Variants in LYPD6B observed in about 807,000 individuals in gnomAD.
The protein encoded by LYPD6B is ly6/PLAUR domain-containing protein 6B.
A neutral mutation model predicts 22.8 loss-of-function variants in LYPD6B; 17 were observed. That is an observed-to-expected ratio of 0.75 (90% CI 0.51 to 1.12). LYPD6B has a LOEUF of 1.12. LYPD6B is among the 50% of genes most tolerant of loss of function. LYPD6B has a pLI of 0.00. For synonymous variants in LYPD6B, 106 were observed against 91.6 expected (o/e 1.16, Z -0.90); for missense variants, 221 against 258.3 (o/e 0.86, Z 0.99).
intron 2 of LYPD6B, among the ~76,000 whole-genome samples, chr2:149,150,586 A>AT (rs5835278): frequency 0.65 from 98,616 of 151,700 alleles, 32,207 homozygotes; most frequent in South Asian, 0.76. Flanking sequence ...TTTATTTGTA[A>AT]TTTTTTCCCC....
chr2:149,051,172 A>T (rs552308211), intron 1 of LYPD6B, among the ~76,000 whole-genome samples: 138 of 150,916 alleles, frequency 9.1e-4, no homozygotes, highest in Admixed American at 1.9e-3. Context: ...TATTATTATT[A>T]TTATTTTTTT....
intron 1 of LYPD6B, among the ~76,000 whole-genome samples, chr2:149,049,692 T>C (rs1279461262): frequency 1.3e-5 from 2 of 152,172 alleles, no homozygotes; most frequent in Non-Finnish European, 2.9e-5. Flanking sequence ...TATGGCTTGT[T>C]TGGGGACACA....
chr2:149,066,219 C>T lies in LYPD6B; in HGVS notation c.-67+27418C>T, dbSNP rs573470414. 2.0e-5 allele frequency among the ~76,000 whole-genome samples: 3 copies of T among 151,682 alleles called. No homozygotes were observed. In the East Asian group the frequency reaches 5.8e-4, roughly 29 times the overall value. Reference sequence around the variant, plus strand: ...TACTTTAAGTTTTAGGGTACATGTGCACAACGTACAGGTTTGTTACATATG... The same window carrying T: ...TACTTTAAGTTTTAGGGTACATGTGTACAACGTACAGGTTTGTTACATATG... On this transcript the variant is annotated intron_variant, in intron 1 of 6. Coordinates refer to ENST00000409642, the MANE Select transcript of LYPD6B (RefSeq NM_177964.5).
chr2:149,051,406 C>T (rs1683553747), intron 1 of LYPD6B, among the ~76,000 whole-genome samples: 1 of 151,962 alleles, frequency 6.6e-6, no homozygotes, highest in Non-Finnish European at 1.5e-5. Flanking sequence ...ACCTCATGAT[C>T]CACCCGCCTC....
At chr2:149,041,576 A>G (rs912118472) in intron 1 of LYPD6B, among the ~76,000 whole-genome samples, 3 of 152,200 alleles carry the variant, frequency 2.0e-5, no homozygotes, top group East Asian at 3.9e-4. Flanking sequence ...ACACAATCAG[A>G]ATTCTGTTAG....
At chr2:149,100,150 A>G (rs1210375411) in intron 1 of LYPD6B, among the ~76,000 whole-genome samples, 1 of 152,012 alleles carries the variant, frequency 6.6e-6, no homozygotes, top group Non-Finnish European at 1.5e-5. Flanking sequence ...GATGGTCTAA[A>G]CTGGGTCATC....
At chr2:149,174,792 G>T (rs1691140642) in intron 3 of LYPD6B, among the ~76,000 whole-genome samples, 1 of 151,752 alleles carries the variant, frequency 6.6e-6, no homozygotes, top group Admixed American at 6.6e-5. Context: ...AGAGGTTGGG[G>T]GGGTGGGAGG....
intron 3 of LYPD6B, among the ~76,000 whole-genome samples, chr2:149,170,856 C>G (rs1690768105): frequency 6.6e-6 from 1 of 152,164 alleles, no homozygotes; most frequent in Non-Finnish European, 1.5e-5. Flanking sequence ...TCTTCAGGCA[C>G]TTGAAATACA....
chr2:149,199,618 C>T (rs754071479), intron 3 of LYPD6B, among the ~76,000 whole-genome samples: 1 of 152,126 alleles, frequency 6.6e-6, no homozygotes, highest in Non-Finnish European at 1.5e-5. Flanking sequence ...GAGATCTAAT[C>T]GTCAGATCAA....
chr2:149,165,637 G>T (rs561337727), intron 3 of LYPD6B, among the ~76,000 whole-genome samples: 1 of 152,186 alleles, frequency 6.6e-6, no homozygotes, highest in East Asian at 1.9e-4. Flanking sequence ...TTATGAATAG[G>T]TGTTATTTTT....
chr2:149,201,131 T>C (rs1693122963), intron 3 of LYPD6B, among the ~76,000 whole-genome samples: 1 of 152,244 alleles, frequency 6.6e-6, no homozygotes, highest in Admixed American at 6.5e-5. Context: ...ATTATAGCCA[T>C]ATTCTGAAAC....
chr2:149,183,322 G>C (rs1691868507), intron 3 of LYPD6B, among the ~76,000 whole-genome samples: 1 of 152,166 alleles, frequency 6.6e-6, no homozygotes. Flanking sequence ...CTGAGCCTCA[G>C]CAAGATACCT....
intron 3 of LYPD6B, 87 bp downstream of exon 3, chr2:149,160,922 G>T: frequency 1.0e-6 from 1 of 974,780 alleles, no homozygotes; most frequent in African/African-American, 1.6e-5. Flanking sequence ...TGAAAGTCCC[G>T]GGACCCTGTG....
At chr2:149,088,328 G>T (rs1685495380) in intron 1 of LYPD6B, among the ~76,000 whole-genome samples, 2 of 152,118 alleles carry the variant, frequency 1.3e-5, no homozygotes, top group South Asian at 2.1e-4. Context: ...GTGTAGGCTA[G>T]GGTACAACAA....
At chr2:149,177,251 T>A (rs1691384078) in intron 3 of LYPD6B, among the ~76,000 whole-genome samples, 1 of 152,226 alleles carries the variant, frequency 6.6e-6, no homozygotes, top group African/African-American at 2.4e-5. Flanking sequence ...ATTCTTCAAA[T>A]GCATTTCCAG....
rs1214589543 is a variant in LYPD6B at position 149,214,535 on chromosome 2, T to G, written c.460-11T>G. 6.2e-7 allele frequency: 1 copy of G among 1,612,544 alleles called. No individual in the cohort carries two copies. Among genetic ancestry groups the G allele is most frequent in the South Asian group, 1.1e-5 (1 of 91,026 alleles). On this transcript the variant is annotated splice_polypyrimidine_tract_variant and intron_variant, in intron 6 of 6. Transcript: ENST00000409642. ...ATTCACTGTCATTTCCTCTCTCCTTTTTTGTAACAGGAGTGTAGGTCTTGC... is the reference window on the plus strand; with the variant it reads ...ATTCACTGTCATTTCCTCTCTCCTTGTTTGTAACAGGAGTGTAGGTCTTGC...
chr2:149,144,314 C>CT (rs5835279), intron 2 of LYPD6B, among the ~76,000 whole-genome samples: 76,819 of 151,998 alleles, frequency 0.51, 20,022 homozygotes, highest in South Asian at 0.69. Context: ...TGGGCACTGA[C>CT]TTTTTTGGCA....
At chr2:149,107,159 A>G (rs1163820671) in intron 1 of LYPD6B, among the ~76,000 whole-genome samples, 1 of 152,172 alleles carries the variant, frequency 6.6e-6, no homozygotes, top group Non-Finnish European at 1.5e-5. Flanking sequence ...ATTGTGCTGT[A>G]CTCACCCTTT....
intron 1 of LYPD6B, among the ~76,000 whole-genome samples, chr2:149,051,158 A>ATAT (rs1179506361): frequency 2.0e-5 from 3 of 151,626 alleles, no homozygotes; most frequent in Admixed American, 6.6e-5. Context: ...TCCCTGAACA[A>ATAT]TATTATTATT....
Sources: allele counts gnomAD v4.1 joint callset (sites outside exome capture counted in the v4.1 genomes callset), GRCh38; gene constraint gnomAD v4.1.1; transcripts MANE v1.5; gene names NCBI Gene and HGNC (gene_info 2026-07-23, HGNC 2026-07-21).